Variants in C3orf70 observed in about 807,000 individuals in gnomAD.
C3orf70 encodes UPF0524 protein C3orf70.
A neutral mutation model predicts 20.7 loss-of-function variants in C3orf70; 15 were observed. The ratio of observed to expected loss-of-function variants is 0.72; its 90% CI spans 0.48 to 1.11. C3orf70 has a LOEUF of 1.11. Ranked by LOEUF, C3orf70 falls within the 50% of genes most tolerant of loss-of-function variation. The pLI, the probability that C3orf70 is intolerant of heterozygous loss-of-function variation, is 0.00. For synonymous variants in C3orf70, 161 were observed against 125.7 expected, an observed-to-expected ratio of 1.28 and a Z score of -1.88; for missense variants, 332 against 317.6, an observed-to-expected ratio of 1.05 and a Z score of -0.34.
chr3:185,133,541 G>A (rs1577332313), intron 1 of C3orf70, among the ~76,000 whole-genome samples: 1 of 151,926 alleles, frequency 6.6e-6, no homozygotes, highest in East Asian at 2.0e-4. Flanking sequence ...TCAGGAGTTT[G>A]AGACCAGCCT....
intron 1 of C3orf70, among the ~76,000 whole-genome samples, chr3:185,090,079 CA>C (rs141853687): frequency 0.024 from 3,668 of 152,266 alleles, 121 homozygotes; most frequent in African/African-American, 0.083. Context: ...AGCCTTGAGA[CA>C]ACCCTGTATT....
At chr3:185,092,349 C>T (rs952039779) in intron 1 of C3orf70, among the ~76,000 whole-genome samples, 1 of 152,126 alleles carries the variant, frequency 6.6e-6, no homozygotes, top group Non-Finnish European at 1.5e-5. Flanking sequence ...TGCCCAAGCC[C>T]AGGGCCCTCC....
chr3:185,088,119 C>T (rs1392517335), intron 1 of C3orf70, among the ~76,000 whole-genome samples: 1 of 152,110 alleles, frequency 6.6e-6, no homozygotes, highest in African/African-American at 2.4e-5. Flanking sequence ...TCACATTAGT[C>T]AGGCTGGTCT....
chr3:185,090,203 A>G (rs550493009), intron 1 of C3orf70, among the ~76,000 whole-genome samples: 1 of 152,354 alleles, frequency 6.6e-6, no homozygotes, highest in African/African-American at 2.4e-5. Context: ...AGCACTGTAT[A>G]ATTACATAGC....
At chr3:185,097,656 G>A (rs1370657728) in intron 1 of C3orf70, among the ~76,000 whole-genome samples, 10 of 152,166 alleles carry the variant, frequency 6.6e-5, no homozygotes. Context: ...GGCTGGCCAA[G>A]GATAATACAG....
At chr3:185,146,272 TC>T (rs1716872727) in intron 1 of C3orf70, among the ~76,000 whole-genome samples, 1 of 136,218 alleles carries the variant, frequency 7.3e-6, no homozygotes, top group African/African-American at 2.7e-5. Flanking sequence ...AAGTTACAAC[TC>T]TCATTTTTTT....
At chr3:185,116,363 ATAT>A (rs78645706) in intron 1 of C3orf70, among the ~76,000 whole-genome samples, 21,947 of 152,182 alleles carry the variant, frequency 0.14, 1,726 homozygotes, top group East Asian at 0.23. Flanking sequence ...GAAAAAACAA[ATAT>A]TATAGTACAG....
chr3:185,106,372 T>C (rs190622848), intron 1 of C3orf70, among the ~76,000 whole-genome samples: 7,886 of 152,198 alleles, frequency 0.052, 662 homozygotes, highest in African/African-American at 0.18. Context: ...ATGGCAGGAC[T>C]GAGAGTGGAT....
At chr3:185,146,937 A>C (rs1311506587) in intron 1 of C3orf70, among the ~76,000 whole-genome samples, 3 of 152,204 alleles carry the variant, frequency 2.0e-5, no homozygotes, top group African/African-American at 7.2e-5. Context: ...GAAAATCTAT[A>C]AACAGGAAGC....
intron 1 of C3orf70, among the ~76,000 whole-genome samples, chr3:185,112,275 G>C (rs1304727479): frequency 6.6e-6 from 1 of 152,174 alleles, no homozygotes; most frequent in Non-Finnish European, 1.5e-5. Flanking sequence ...GAGCTATAGA[G>C]CGAGATTCTG....
At chr3:185,119,933 G>A (rs911579728) in intron 1 of C3orf70, among the ~76,000 whole-genome samples, 1 of 150,100 alleles carries the variant, frequency 6.7e-6, no homozygotes, top group Non-Finnish European at 1.5e-5. Context: ...GAGGCAGGAG[G>A]ATCGCTTGAA....
intron 1 of C3orf70, among the ~76,000 whole-genome samples, chr3:185,138,623 T>TTG (rs1716676662): frequency 6.6e-6 from 1 of 152,124 alleles, no homozygotes; most frequent in Non-Finnish European, 1.5e-5. Flanking sequence ...ATCTACCACA[T>TTG]GAACAGGTTA....
chr3:185,091,048 GCTA>G (rs1715559300), intron 1 of C3orf70, among the ~76,000 whole-genome samples: 1 of 152,068 alleles, frequency 6.6e-6, no homozygotes, highest in Non-Finnish European at 1.5e-5. Flanking sequence ...CCATGTTTAT[GCTA>G]CTAAGTCAGA....
chr3:185,147,439 C>G (rs1716898760), intron 1 of C3orf70, among the ~76,000 whole-genome samples: 1 of 152,208 alleles, frequency 6.6e-6, no homozygotes, highest in Admixed American at 6.5e-5. Context: ...CAACTTGCCA[C>G]CCATTTCTTA....
Position 185,083,260 on chromosome 3 carries a change from G to T in C3orf70, c.500C>A (p.Ala167Asp), listed in dbSNP as rs763194468. 6 of 1,614,044 alleles carry T rather than the reference G, an allele frequency of 3.7e-6. No individual in the cohort carries two copies. Among genetic ancestry groups the T allele is most frequent in the Non-Finnish European group, 4.2e-6 (5 of 1,180,052 alleles). The change falls in exon 2 of 2, where the codon GCC becomes GAC. Residue 167 changes from alanine to aspartate, a missense_variant. Ala to Asp is a moderately radical substitution (Grantham distance 126). Transcript: ENST00000335012. ...TGTATTGCTCTCTTTTGAAATTAAG[G>T]CATCGTGTGCAGAGACCTCCTCAGG... ...MSPEEVSAHD[A>D]LISKESNTPK... is the part of the protein sequence containing the mutation.
At chr3:185,117,261 G>T (rs34304340) in intron 1 of C3orf70, among the ~76,000 whole-genome samples, 24,687 of 151,964 alleles carry the variant, frequency 0.16, 2,709 homozygotes, top group East Asian at 0.42. Context: ...ACATCAGTTA[G>T]TATTATTTAT....
chr3:185,094,527 G>A (rs1418315383), intron 1 of C3orf70, among the ~76,000 whole-genome samples: 2 of 152,052 alleles, frequency 1.3e-5, no homozygotes, highest in South Asian at 4.1e-4. Flanking sequence ...CTTGCCAAGG[G>A]AGACGGGATA....
At chr3:185,084,439 A>G (rs922429820) in intron 1 of C3orf70, among the ~76,000 whole-genome samples, 1 of 151,848 alleles carries the variant, frequency 6.6e-6, no homozygotes, top group African/African-American at 2.4e-5. Flanking sequence ...ACTGGGGTAA[A>G]GTTTAGGGTG....
rs1414068495 is a variant in C3orf70 at position 185,077,769 on chromosome 3, T to G, written c.*5238A>C. ...AGAAAGGCTGTAACTGCGTGTGAAA[T>G]AAATGCTATTTGGTGGTGGTGGGGG... On this transcript the variant is annotated 3_prime_UTR_variant, in exon 2 of 2. Coordinates refer to ENST00000335012, the MANE Select transcript of C3orf70 (RefSeq NM_001025266.3). Among the ~76,000 whole-genome samples the G allele has an allele frequency of 1.5e-5, 2 of 129,204 alleles. No homozygotes were observed. Among genetic ancestry groups the G allele is most frequent in the African/African-American group, 6.1e-5 (2 of 33,042 alleles). 84.8% of individuals were successfully genotyped at this position (129,204 alleles called of 152,430 possible).
Sources: gnomAD v4.1 joint callset for allele counts (sites outside exome capture counted in the v4.1 genomes callset) on GRCh38, gnomAD v4.1.1 for gene constraint, MANE v1.5 for transcripts, NCBI Gene and HGNC (gene_info 2026-07-23, HGNC 2026-07-21) for gene names.